Variants in SHC4 observed in about 807,000 individuals in gnomAD.
SHC4 encodes the protein SHC adaptor protein 4, also known as SHC-transforming protein 4.
SHC4 carries 41 observed loss-of-function variants against 69.4 expected under a neutral mutation model. That is an observed-to-expected ratio of 0.59 (90% CI 0.46 to 0.77). SHC4 has a LOEUF of 0.77. Ranked by LOEUF, SHC4 falls within the 30% of genes least tolerant of loss-of-function variation. The pLI is 0.00. For missense variants in SHC4, 777 were observed against 783.8 expected (o/e 0.99, Z 0.10); for synonymous variants, 318 against 299.3 (o/e 1.06, Z -0.64).
At chr15:48,934,272 A>G (rs1159700084) in intron 1 of SHC4, among the ~76,000 whole-genome samples, 3 of 152,200 alleles carry the variant, frequency 2.0e-5, no homozygotes, top group Non-Finnish European at 4.4e-5. Context: ...AAAAATGGAC[A>G]AAAGAACTGA....
At chr15:48,889,725 T>A (rs1900098468) in intron 3 of SHC4, among the ~76,000 whole-genome samples, 1 of 152,152 alleles carries the variant, frequency 6.6e-6, no homozygotes, top group African/African-American at 2.4e-5. Context: ...GCTCCTGTGG[T>A]CCCAGCTACT....
intron 1 of SHC4, among the ~76,000 whole-genome samples, chr15:48,937,665 A>C (rs936779268): frequency 6.6e-6 from 1 of 152,188 alleles, no homozygotes; most frequent in East Asian, 1.9e-4. Context: ...ATCTATCCAT[A>C]TCATGAAGAG....
Position 48,901,588 on chromosome 15 carries a change from G to C in SHC4, c.657-10777C>G, listed in dbSNP as rs568952226. Among the ~76,000 whole-genome samples, 3 of 152,250 alleles carry C rather than the reference G, an allele frequency of 2.0e-5. No individual in the cohort carries two copies. In the South Asian group the frequency reaches 6.2e-4, roughly 32 times the overall value. ...TACTATGTACATGAAACAGTGCAAAGTGTTTGGGCAAGCAATACAGAAATA... is the reference window on the plus strand; with the variant it reads ...TACTATGTACATGAAACAGTGCAAACTGTTTGGGCAAGCAATACAGAAATA... On this transcript the variant is annotated intron_variant, in intron 2 of 11. Transcript: ENST00000332408.
chr15:48,837,027 G>A (rs912788919), intron 10 of SHC4, among the ~76,000 whole-genome samples: 2 of 152,202 alleles, frequency 1.3e-5, no homozygotes, highest in Non-Finnish European at 2.9e-5. Flanking sequence ...GAGTAGCCAT[G>A]TGTGTGTTTG....
intron 4 of SHC4, among the ~76,000 whole-genome samples, chr15:48,880,983 AGAGTGTGT>A (rs891299231): frequency 2.4e-4 from 26 of 108,268 alleles, no homozygotes; most frequent in African/African-American, 9.9e-4. Context: ...GATGTGTGTG[AGAGTGTGT>A]GTGTGTGTGT....
At chr15:48,870,834 A>G (rs928257762) in intron 5 of SHC4, among the ~76,000 whole-genome samples, 7 of 152,260 alleles carry the variant, frequency 4.6e-5, no homozygotes, top group African/African-American at 1.7e-4. Flanking sequence ...CCCAAGAGGA[A>G]GAACCTGCTT....
chr15:48,843,272 C>T, intron 10 of SHC4, 137 bp downstream of exon 10: 1 of 798,364 alleles, frequency 1.3e-6, no homozygotes, highest in Non-Finnish European at 2.0e-6. Context: ...TTCCAGAGGT[C>T]CTAGAAGGAA....
intron 10 of SHC4, among the ~76,000 whole-genome samples, chr15:48,836,315 T>C (rs2140968454): frequency 6.6e-6 from 1 of 152,310 alleles, no homozygotes; most frequent in African/African-American, 2.4e-5. Context: ...CTAAGGTCCT[T>C]GCCTTGGATG....
At chr15:48,949,401 G>A (rs929561961) in intron 1 of SHC4, among the ~76,000 whole-genome samples, 2 of 151,302 alleles carry the variant, frequency 1.3e-5, no homozygotes, top group Non-Finnish European at 2.9e-5. Context: ...TAGGGAGGCT[G>A]GACTGAATTC....
intron 2 of SHC4, among the ~76,000 whole-genome samples, chr15:48,899,370 G>C (rs535512540): frequency 5.3e-5 from 8 of 152,308 alleles, no homozygotes; most frequent in Admixed American, 4.6e-4. Context: ...GGGAGGCTGA[G>C]GCAGGAGAAT....
chr15:48,864,631 T>G (rs900031157), intron 6 of SHC4, among the ~76,000 whole-genome samples: 1 of 151,664 alleles, frequency 6.6e-6, no homozygotes, highest in Non-Finnish European at 1.5e-5. Flanking sequence ...GTATTTTTAG[T>G]AGAGACGGGG....
At chr15:48,951,607 G>C (rs1423607376) in intron 1 of SHC4, among the ~76,000 whole-genome samples, 1 of 152,056 alleles carries the variant, frequency 6.6e-6, no homozygotes, top group African/African-American at 2.4e-5. Context: ...GTTTAACCAA[G>C]TCAAATCACT....
chr15:48,924,897 AT>A lies in SHC4; in HGVS notation c.637del (p.Met213Ter). 1 of 1,614,122 alleles carries A rather than the reference AT, an allele frequency of 6.2e-7. No individual in the cohort carries two copies. Among genetic ancestry groups the A allele is most frequent in the Non-Finnish European group, 8.5e-7 (1 of 1,179,970 alleles). The part of the protein sequence containing the change: ...LQSMRSLDFG[M>X]RTQVTREAIS... Reference sequence around the variant, plus strand: ...TTCTTACCTTGTAACTTGGGTTCTCATTCCAAAATCCAGTGATCTCATTGAT... The same window carrying A: ...TTCTTACCTTGTAACTTGGGTTCTCATCCAAAATCCAGTGATCTCATTGAT... On this transcript the variant is annotated frameshift_variant, in exon 2 of 12. Transcript: ENST00000332408. LOFTEE classifies it high-confidence loss of function.
chr15:48,886,203 G>A (rs1471975327), intron 3 of SHC4, among the ~76,000 whole-genome samples: 1 of 152,128 alleles, frequency 6.6e-6, no homozygotes, highest in Non-Finnish European at 1.5e-5. Flanking sequence ...GTCACAGTGA[G>A]CCAAGATTGG....
chr15:48,913,132 C>T (rs1042192720), intron 2 of SHC4, among the ~76,000 whole-genome samples: 1 of 150,226 alleles, frequency 6.7e-6, no homozygotes, highest in East Asian at 2.0e-4. Flanking sequence ...GAGAGGAGCC[C>T]TTAGTGTGTG....
chr15:48,886,865 C>A (rs1900045269), intron 3 of SHC4, among the ~76,000 whole-genome samples: 1 of 152,098 alleles, frequency 6.6e-6, no homozygotes, highest in Admixed American at 6.6e-5. Flanking sequence ...GAGAAGGGAA[C>A]AGAAAGAGAA....
chr15:48,845,237 G>A (rs921389211), intron 9 of SHC4, among the ~76,000 whole-genome samples: 3 of 152,146 alleles, frequency 2.0e-5, no homozygotes, highest in Admixed American at 2.0e-4. Flanking sequence ...TATGACACTT[G>A]TAACTCATAG....
intron 1 of SHC4, among the ~76,000 whole-genome samples, chr15:48,951,612 A>G (rs537851963): frequency 6.6e-6 from 1 of 152,196 alleles, no homozygotes; most frequent in East Asian, 1.9e-4. Flanking sequence ...ACCAAGTCAA[A>G]TCACTTACTG....
chr15:48,857,316 T>A (rs970737637), intron 7 of SHC4, among the ~76,000 whole-genome samples: 70 of 151,966 alleles, frequency 4.6e-4, no homozygotes, highest in Non-Finnish European at 9.6e-4. Context: ...TTTTTTTTTT[T>A]AACTGATATG....
Sources: gnomAD v4.1 joint callset for allele counts (sites outside exome capture counted in the v4.1 genomes callset) on GRCh38, gnomAD v4.1.1 for gene constraint, MANE v1.5 for transcripts, NCBI Gene and HGNC (gene_info 2026-07-23, HGNC 2026-07-21) for gene names.